NUDT19: variants seen among roughly 807,000 people sequenced by gnomAD.
NUDT19 encodes the protein nudix hydrolase 19.
Under a neutral mutation model 22.2 loss-of-function variants are expected in NUDT19, and 31 were observed. The ratio of observed to expected loss-of-function variants is 1.40; its 90% CI spans 1.05 to 1.89. NUDT19 has a LOEUF of 1.89. Ranked by LOEUF, NUDT19 falls within the 40% of genes most tolerant of loss-of-function variation. NUDT19 has a pLI of 0.00. For missense variants in NUDT19, 752 were observed against 514.2 expected (o/e 1.46, Z -4.47); for synonymous variants, 325 against 230.8 (o/e 1.41, Z -3.70).
intron 1 of NUDT19, among the ~76,000 whole-genome samples, chr19:32,695,380 A>G (rs145840590): frequency 0.013 from 2,022 of 152,222 alleles, 43 homozygotes; most frequent in African/African-American, 0.046. Flanking sequence ...GGGTTTCACC[A>G]TGTTGGCCAA....
At chr19:32,704,468 G>A (rs550394487) in intron 1 of NUDT19, among the ~76,000 whole-genome samples, 2 of 151,846 alleles carry the variant, frequency 1.3e-5, no homozygotes, top group African/African-American at 2.4e-5. Context: ...CGCCATGTTG[G>A]TCAGGCTGGT....
In NUDT19 at chr19:32,709,247, A is replaced by C. The variant is rs189027282; in HGVS notation, c.777A>C (p.Pro259=). 2.9e-4 allele frequency: 462 copies of C among 1,614,098 alleles called. 2 individuals are homozygous for C. The African/African-American group carries it at 5.3e-3, about 18-fold the overall frequency. ...FLSKEIWLPP[P]QFYEVRRLAN... ...CAAAAGAAATTTGGTTGCCACCCCC[A>C]CAGTTCTACGAAGTGAGAAGACTTG... The change falls in exon 2 of 3, where the codon CCA becomes CCC. Residue 259 remains proline, a synonymous_variant. Transcript: ENST00000397061.
At position 32,701,576 on chromosome 19, in the gene NUDT19, T is replaced by G. The variant is rs538624170; in HGVS notation, c.715-7609T>G. ...AATGTGGAAATCTTCAACTAATAAT[T>G]GTGGAGTTGTCTTTTTCACCTTTTA... On this transcript the variant is annotated intron_variant, in intron 1 of 2. Transcript: ENST00000397061. Among the ~76,000 whole-genome samples, 4 of 152,276 alleles carry G rather than the reference T, an allele frequency of 2.6e-5. No homozygotes were observed. In the East Asian group the frequency reaches 5.8e-4, roughly 22 times the overall value.
chr19:32,693,484 C>T (rs943401134), intron 1 of NUDT19, among the ~76,000 whole-genome samples: 1 of 152,178 alleles, frequency 6.6e-6, no homozygotes, highest in African/African-American at 2.4e-5. Context: ...TTGCAAAGAG[C>T]AAAAGAACAA....
In NUDT19 at chr19:32,712,284, A is replaced by G. The variant is rs563732890; in HGVS notation, c.*327A>G. The G allele has an allele frequency of 6.4e-5, 13 of 201,564 alleles. No homozygotes were observed. The highest frequency in any genetic ancestry group is 1.4e-4 in the East Asian group (1 of 7,058). The allele number at this position is 201,564 out of a possible 1,614,324, so 12.5% of individuals were successfully genotyped here. On this transcript the variant is annotated 3_prime_UTR_variant, in exon 3 of 3. Transcript: ENST00000397061. ...AGTAGAGACGGGTTTTCACCGTGTT[A>G]GCCAGGATGGTCTCAATCTCTTGAC...
In NUDT19 at chr19:32,692,464, CG is replaced by C. The variant is rs1968203973; in HGVS notation, c.505del (p.Asp169ThrfsTer96). The C allele has an allele frequency of 6.5e-7, 1 of 1,546,174 alleles. No individual in the cohort carries two copies. Among genetic ancestry groups the C allele is most frequent in the Admixed American group, 2.0e-5 (1 of 51,170 alleles). On this transcript the variant is annotated frameshift_variant, in exon 1 of 3. Coordinates refer to ENST00000397061, the MANE Select transcript of NUDT19 (RefSeq NM_001105570.2). LOFTEE classifies it high-confidence loss of function. ...EPPPGLASWR[D>X]RVRQDPRHFL... Reference sequence around the variant, plus strand: ...CACCGCCGGGCCTGGCCTCCTGGCGCGACCGCGTGCGCCAGGACCCGCGCCA... The same window carrying C: ...CACCGCCGGGCCTGGCCTCCTGGCGCACCGCGTGCGCCAGGACCCGCGCCA...
chr19:32,702,890 A>T (rs1445715655), intron 1 of NUDT19, among the ~76,000 whole-genome samples: 2 of 152,164 alleles, frequency 1.3e-5, no homozygotes, highest in African/African-American at 4.8e-5. Context: ...TAGAGTTAGA[A>T]CCTTGCAGCA....
At chr19:32,707,429 C>A (rs758353578) in intron 1 of NUDT19, among the ~76,000 whole-genome samples, 3 of 152,152 alleles carry the variant, frequency 2.0e-5, no homozygotes, top group African/African-American at 7.2e-5. Flanking sequence ...TAAGCATGTA[C>A]GAGCTTGCAA....
intron 1 of NUDT19, among the ~76,000 whole-genome samples, chr19:32,702,761 T>C (rs997370646): frequency 6.6e-6 from 1 of 152,254 alleles, no homozygotes; most frequent in Non-Finnish European, 1.5e-5. Flanking sequence ...TGCTCATTTT[T>C]TGTTCCCATC....
chr19:32,705,731 C>T (rs1230934529), intron 1 of NUDT19, among the ~76,000 whole-genome samples: 1 of 151,906 alleles, frequency 6.6e-6, no homozygotes, highest in East Asian at 2.0e-4. Context: ...ATTGCAGGCA[C>T]ATGCCACCAT....
intron 1 of NUDT19, among the ~76,000 whole-genome samples, chr19:32,699,627 CAAATTCTA>C (rs1401441185): frequency 6.6e-6 from 1 of 152,172 alleles, no homozygotes; most frequent in Non-Finnish European, 1.5e-5. Flanking sequence ...ATTTAGCTCT[CAAATTCTA>C]AGGAAAAATA....
Position 32,697,047 on chromosome 19 carries a change from C to T in NUDT19, c.714+4373C>T, listed in dbSNP as rs7246387. On this transcript the variant is annotated intron_variant, in intron 1 of 2. Transcript: ENST00000397061. ...ATGGGCGAGGGGGCAGCTTGTTTCT[C>T]ATAGGACAATCTTTTTTTTAAAAAG... 9.8e-3 allele frequency among the ~76,000 whole-genome samples: 1,485 copies of T among 152,272 alleles called. 23 individuals are homozygous for T. Among genetic ancestry groups the T allele is most frequent in the African/African-American group, 0.034 (1,393 of 41,540 alleles).
intron 1 of NUDT19, among the ~76,000 whole-genome samples, chr19:32,706,522 A>G (rs1177742616): frequency 1.3e-5 from 2 of 152,260 alleles, no homozygotes; most frequent in African/African-American, 4.8e-5. Context: ...CGTCTCTACT[A>G]AAAATACAAA....
chr19:32,692,363 G>A lies in NUDT19; in HGVS notation c.403G>A (p.Glu135Lys). The A allele has an allele frequency of 1.9e-6, 3 of 1,590,032 alleles. No individual in the cohort carries two copies. The highest frequency in any genetic ancestry group is 2.2e-5 in the South Asian group (2 of 90,126). ...CTGCGCCGTGCGGGAGGCCTTTGAG[G>A]AGGCGGGCGTGCTGCTGCTGCGGCC... ...RICAVREAFE[E>K]AGVLLLRPRT... Residue 135 changes from glutamate (E) to lysine (K), a missense_variant, in exon 1 of 3, where the codon GAG becomes AAG. Physicochemically the swap from Glu to Lys is moderately conservative, Grantham distance 56 (BLOSUM62 1). Transcript: ENST00000397061.
intron 1 of NUDT19, among the ~76,000 whole-genome samples, chr19:32,693,420 G>A (rs887291496): frequency 2.0e-5 from 3 of 152,154 alleles, no homozygotes; most frequent in Non-Finnish European, 2.9e-5. Flanking sequence ...TGTGGTCAGT[G>A]TTACAGCTTA....
At chr19:32,709,510 G>A (rs1968423916) in intron 2 of NUDT19, 118 bp downstream of exon 2, 1 of 774,794 alleles carries the variant, frequency 1.3e-6, no homozygotes, top group Non-Finnish European at 2.2e-6. Flanking sequence ...AATCTACAGG[G>A]TATTAGCTAA....
chr19:32,692,247 T>A lies in NUDT19; in HGVS notation c.287T>A (p.Phe96Tyr). ...PPRFGLGPAPFSRTAFPSLPD... is the reference protein window; with the variant it reads ...PPRFGLGPAPYSRTAFPSLPD... Reference sequence around the variant, plus strand: ...CGCTTCGGCCTGGGCCCGGCGCCATTCAGCCGCACCGCTTTCCCGTCGCTG... The same window carrying A: ...CGCTTCGGCCTGGGCCCGGCGCCATACAGCCGCACCGCTTTCCCGTCGCTG... Residue 96 changes from phenylalanine (F) to tyrosine (Y), a missense_variant, in exon 1 of 3, where the codon TTC (phenylalanine) becomes TAC (tyrosine). By Grantham distance (22) the Phe-to-Tyr change is conservative. Transcript: ENST00000397061. 6.3e-7 allele frequency: 1 copy of A among 1,591,582 alleles called. No homozygotes were observed.
intron 1 of NUDT19, among the ~76,000 whole-genome samples, chr19:32,701,879 C>T (rs894201241): frequency 4.9e-4 from 75 of 152,098 alleles, no homozygotes; most frequent in African/African-American, 1.6e-3. Flanking sequence ...TGGCTGGGTG[C>T]AGTGGCTTAC....
chr19:32,691,856 C>T lies in NUDT19; in HGVS notation c.-105C>T. 3 of 594,872 alleles carry T rather than the reference C, an allele frequency of 5.0e-6. No individual in the cohort carries two copies. Among genetic ancestry groups the T allele is most frequent in the Non-Finnish European group, 7.1e-6 (3 of 420,716 alleles). 36.8% of individuals were successfully genotyped at this position (594,872 alleles called of 1,614,324 possible). On this transcript the variant is annotated 5_prime_UTR_variant, in exon 1 of 3. Transcript: ENST00000397061. ...GTTCACCCAACGCCAGAGGCTCGTC[C>T]TCAATTCCCGCGAGGCCCCCGGAGG...
Sources: allele counts gnomAD v4.1 joint callset (sites outside exome capture counted in the v4.1 genomes callset), GRCh38; gene constraint gnomAD v4.1.1; transcripts MANE v1.5; gene names NCBI Gene and HGNC (gene_info 2026-07-23, HGNC 2026-07-21).